Variants in TRPC4 observed in about 807,000 individuals in gnomAD.
The protein encoded by TRPC4 is transient receptor potential cation channel subfamily C member 4, also known as short transient receptor potential channel 4.
In TRPC4, 49 loss-of-function variants were observed where a neutral mutation model predicts 99.4. The observed-to-expected ratio is 0.49, with a 90% CI of 0.39 to 0.63. The LOEUF is 0.63. Ranked by LOEUF, TRPC4 falls within the 20% of genes least tolerant of loss-of-function variation. The pLI is 0.00. For missense variants in TRPC4, 898 were observed against 1,152.9 expected (o/e 0.78, Z 3.20); for synonymous variants, 454 against 425.9 (o/e 1.07, Z -0.81).
intron 3 of TRPC4, among the ~76,000 whole-genome samples, chr13:37,717,149 G>A (rs1954704834): frequency 1.3e-5 from 2 of 152,062 alleles, no homozygotes; most frequent in African/African-American, 2.4e-5. Flanking sequence ...GAGAAAATCA[G>A]TTTCAAGAAC....
At chr13:37,788,607 T>C (rs1314333639) in intron 1 of TRPC4, among the ~76,000 whole-genome samples, 1 of 151,996 alleles carries the variant, frequency 6.6e-6, no homozygotes, top group East Asian at 1.9e-4. Context: ...ACATGACCCT[T>C]CTCTCAGTGG....
At chr13:37,736,877 C>T (rs1039296556) in intron 3 of TRPC4, among the ~76,000 whole-genome samples, 3 of 150,798 alleles carry the variant, frequency 2.0e-5, no homozygotes, top group African/African-American at 7.3e-5. Context: ...TACAGACACA[C>T]ACCACTATGC....
chr13:37,745,767 C>T (rs558121831), intron 3 of TRPC4, among the ~76,000 whole-genome samples, 170 bp downstream of exon 3: 1 of 151,944 alleles, frequency 6.6e-6, no homozygotes, highest in Admixed American at 6.6e-5. Flanking sequence ...CCATTTATTA[C>T]CACTCTTCAA....
chr13:37,866,854 G>GGA lies in TRPC4; in HGVS notation c.-28+2740_-28+2741insTC, dbSNP rs556365024. ...TTAATGTTTATTTTTTGTGGGGGGGGGCGGGTATAGGGTATAAATTAGGTG... is the reference window on the plus strand; with the variant it reads ...TTAATGTTTATTTTTTGTGGGGGGGGGAGCGGGTATAGGGTATAAATTAGGTG... On this transcript the variant is annotated intron_variant, in intron 1 of 10. Transcript: ENST00000379705. Among the ~76,000 whole-genome samples, 50 of 111,860 alleles carry GGA rather than the reference G, an allele frequency of 4.5e-4. 2 individuals carry two copies. The highest frequency in any genetic ancestry group is 7.7e-4 in the Non-Finnish European group (44 of 57,186). The allele number at this position is 111,860 out of a possible 152,430, so 73.4% of individuals were successfully genotyped here.
At position 37,818,660 on chromosome 13, in the gene TRPC4, A is replaced by C. The variant is rs1313268944; in HGVS notation, c.-27-35300T>G. ...GTTCATGTTCTTTGCAGGGACATGGATGAAGCTGGAAACCATCATTCTCAG... is the reference window on the plus strand; with the variant it reads ...GTTCATGTTCTTTGCAGGGACATGGCTGAAGCTGGAAACCATCATTCTCAG... On this transcript the variant is annotated intron_variant, in intron 1 of 10. Transcript: ENST00000379705. 2.0e-5 allele frequency among the ~76,000 whole-genome samples: 3 copies of C among 152,146 alleles called. No individual in the cohort carries two copies. The East Asian group carries it at 5.8e-4, about 29-fold the overall frequency.
intron 4 of TRPC4, among the ~76,000 whole-genome samples, chr13:37,679,711 T>C (rs892980671): frequency 1.3e-5 from 2 of 152,312 alleles, no homozygotes; most frequent in Admixed American, 1.3e-4. Flanking sequence ...AGTTTCCCGT[T>C]TTAGTCATCT....
At chr13:37,739,412 G>A (rs77549133) in intron 3 of TRPC4, among the ~76,000 whole-genome samples, 1 of 151,932 alleles carries the variant, frequency 6.6e-6, no homozygotes, top group African/African-American at 2.4e-5. Flanking sequence ...AAGGACTATG[G>A]TGTTTTCTCT....
chr13:37,860,866 G>T (rs944704329), intron 1 of TRPC4, among the ~76,000 whole-genome samples: 1 of 151,280 alleles, frequency 6.6e-6, no homozygotes, highest in Non-Finnish European at 1.5e-5. Context: ...GAAACAAAGG[G>T]TATGTGAAAC....
intron 2 of TRPC4, among the ~76,000 whole-genome samples, chr13:37,773,003 A>C (rs1956597943): frequency 6.6e-6 from 1 of 151,720 alleles, no homozygotes; most frequent in African/African-American, 2.4e-5. Context: ...ACAACAATCT[A>C]AGAGGAATTG....
chr13:37,764,146 T>C (rs1956295613), intron 2 of TRPC4, among the ~76,000 whole-genome samples: 1 of 151,604 alleles, frequency 6.6e-6, no homozygotes, highest in Non-Finnish European at 1.5e-5. Flanking sequence ...CCCAGTGGTG[T>C]GACGGATGCC....
intron 1 of TRPC4, among the ~76,000 whole-genome samples, chr13:37,813,912 A>G (rs1957771134): frequency 6.6e-6 from 1 of 151,844 alleles, no homozygotes; most frequent in East Asian, 1.9e-4. Flanking sequence ...TATATCTATG[A>G]ATAGAAATAA....
At position 37,636,713 on chromosome 13, in the gene TRPC4, AG is replaced by A; in HGVS notation, c.*189del. The A allele has an allele frequency of 1.6e-6, 1 of 614,072 alleles. No individual in the cohort carries two copies. Among genetic ancestry groups the A allele is most frequent in the Non-Finnish European group, 2.5e-6 (1 of 403,318 alleles). 38.0% of individuals were successfully genotyped at this position (614,072 alleles called of 1,614,324 possible). A position where few individuals can be genotyped will look rare whatever the true frequency, so the allele number is the denominator to read the frequency against. The stretch of plus-strand genomic sequence containing the variant: ...TTGTAAGACAAATTGTGAAAGCAAA[AG>A]CAGGCTACAAAACAAAAAGGTTTTT... On this transcript the variant is annotated 3_prime_UTR_variant, in exon 11 of 11. Transcript: ENST00000379705.
chr13:37,741,555 C>T (rs1044575732), intron 3 of TRPC4, among the ~76,000 whole-genome samples: 1 of 152,058 alleles, frequency 6.6e-6, no homozygotes, highest in East Asian at 1.9e-4. Context: ...CAGAATGGTA[C>T]TTGAAAGATT....
At chr13:37,700,654 G>T (rs1954076420) in intron 3 of TRPC4, among the ~76,000 whole-genome samples, 1 of 152,090 alleles carries the variant, frequency 6.6e-6, no homozygotes, top group African/African-American at 2.4e-5. Flanking sequence ...AATTGTTCCA[G>T]ACCTTAGAAA....
At position 37,633,282 on chromosome 13, in the gene TRPC4, T is replaced by C. The variant is rs1207368865; in HGVS notation, c.*3621A>G. 6.6e-6 allele frequency among the ~76,000 whole-genome samples: 1 copy of C among 152,120 alleles called. No individual in the cohort carries two copies. Among genetic ancestry groups the C allele is most frequent in the Non-Finnish European group, 1.5e-5 (1 of 68,024 alleles). Reference sequence around the variant, plus strand: ...CAGATAATACAGAGAAAGAAAAATATATTGTAAGCATATTTACAGGGCCAC... The same window carrying C: ...CAGATAATACAGAGAAAGAAAAATACATTGTAAGCATATTTACAGGGCCAC... On this transcript the variant is annotated 3_prime_UTR_variant, in exon 11 of 11. Transcript: ENST00000379705.
chr13:37,637,006 A>G lies in TRPC4; in HGVS notation c.2831T>C (p.Ile944Thr), dbSNP rs1429059109. The part of the protein sequence containing the change: ...KVVVEDTVPI[I>T]PKEKHAKEED... ...TTCTTTTGCATGTTTCTCCTTTGGT[A>G]TTATAGGAACCGTGTCCTCCACCAC... Residue 944 changes from isoleucine (I) to threonine (T), a missense_variant, in exon 11 of 11, where the codon ATA becomes ACA. By Grantham distance (89) the Ile-to-Thr change is moderately conservative (BLOSUM62 -1). Around this residue, in one of 3 missense-constraint regions of TRPC4, gnomAD observed 346 missense variants for 351.4 expected, o/e 0.98. Coordinates refer to ENST00000379705, the MANE Select transcript of TRPC4 (RefSeq NM_016179.4). The G allele has an allele frequency of 1.9e-6, 3 of 1,613,728 alleles. No individual in the cohort carries two copies. The East Asian group carries it at 6.7e-5, about 36-fold the overall frequency.
rs577828014 is a variant in TRPC4, at chr13:37,754,071, A to G, written c.379-7616T>C. On this transcript the variant is annotated intron_variant, in intron 2 of 10. Transcript: ENST00000379705. ...TGAGGCAATTATCAGTTAATTATCA[A>G]CTTTACTACCTGTTTCAATAATTTA... Among the ~76,000 whole-genome samples the G allele has an allele frequency of 2.6e-5, 4 of 152,222 alleles. No homozygotes were observed. In the East Asian group the frequency reaches 7.8e-4, roughly 30 times the overall value.
intron 1 of TRPC4, among the ~76,000 whole-genome samples, chr13:37,866,111 T>C (rs748632838): frequency 2.6e-5 from 4 of 151,796 alleles, no homozygotes; most frequent in Non-Finnish European, 5.9e-5. Context: ...ATATAATTAA[T>C]GAATATCTGA....
At chr13:37,763,108 A>C (rs1321144884) in intron 2 of TRPC4, among the ~76,000 whole-genome samples, 1 of 151,588 alleles carries the variant, frequency 6.6e-6, no homozygotes, top group East Asian at 1.9e-4. Flanking sequence ...AAACCTATAT[A>C]ATATATACGT....
Sources: allele counts gnomAD v4.1 joint callset (sites outside exome capture counted in the v4.1 genomes callset), GRCh38; gene constraint gnomAD v4.1.1; regional missense constraint gnomAD v4.1.1; transcripts MANE v1.5; gene names NCBI Gene and HGNC (gene_info 2026-07-23, HGNC 2026-07-21).